The following ADAM2 variants were observed in gnomAD, a reference collection of about 807,000 sequenced individuals.
The protein encoded by ADAM2 is ADAM metallopeptidase domain 2, also known as disintegrin and metalloproteinase domain-containing protein 2.
In ADAM2, 101 loss-of-function variants were observed where a neutral mutation model predicts 99.3. The observed-to-expected ratio is 1.02, with a 90% CI of 0.87 to 1.20. The LOEUF (loss-of-function observed/expected upper bound fraction) is 1.20. Ranked by LOEUF, ADAM2 falls within the 50% of genes most tolerant of loss-of-function variation. ADAM2 has a pLI of 0.00. For missense variants in ADAM2, 948 were observed against 878.7 expected (o/e 1.08, Z -1.00); for synonymous variants, 323 against 287.6 (o/e 1.12, Z -1.25).
At position 39,809,449 on chromosome 8, in the gene ADAM2, T is replaced by C. The variant is rs752315056; in HGVS notation, c.531A>G (p.Ala177=). ...LQSVEPQQDF[A]KYIEMHVIVE... is the part of the protein sequence containing the mutation. ...CTATAACATGCATTTCTATATACTT[T>C]GCAAAATCTTGCTGTGGCTGAAAAA... Residue 177 remains alanine (A), a synonymous_variant, in exon 7 of 21, where the codon GCA becomes GCG. Transcript: ENST00000265708. 1 of 1,433,766 alleles carries C rather than the reference T, an allele frequency of 7.0e-7. No homozygotes were observed. The highest frequency in any genetic ancestry group is 1.2e-5 in the South Asian group (1 of 81,418). 88.8% of individuals were successfully genotyped at this position (1,433,766 alleles called of 1,614,324 possible). A position where few individuals can be genotyped will look rare whatever the true frequency, so the allele number is the denominator to read the frequency against.
intron 7 of ADAM2, among the ~76,000 whole-genome samples, chr8:39,798,290 A>G (rs1471754808): frequency 6.6e-6 from 1 of 152,168 alleles, no homozygotes; most frequent in Admixed American, 6.5e-5. Context: ...GCATCTAGTG[A>G]GATAATCATA....
intron 3 of ADAM2, among the ~76,000 whole-genome samples, chr8:39,827,879 C>T (rs1005371599): frequency 1.3e-5 from 2 of 151,828 alleles, no homozygotes; most frequent in African/African-American, 4.8e-5. Context: ...TATTCTCAAC[C>T]TCAAAAAAGG....
intron 20 of ADAM2, among the ~76,000 whole-genome samples, chr8:39,744,603 G>A (rs1446521399): frequency 6.6e-6 from 1 of 152,146 alleles, no homozygotes; most frequent in African/African-American, 2.4e-5. Context: ...ATGGACACAG[G>A]GAGGGGAACA....
At chr8:39,765,730 G>T (rs981068177) in intron 14 of ADAM2, among the ~76,000 whole-genome samples, 1 of 151,968 alleles carries the variant, frequency 6.6e-6, no homozygotes, top group Non-Finnish European at 1.5e-5. Context: ...TTTTCATTTT[G>T]TAAGTTTCTT....
At chr8:39,837,651 C>T (rs1165449399) in intron 1 of ADAM2, among the ~76,000 whole-genome samples, 1 of 152,102 alleles carries the variant, frequency 6.6e-6, no homozygotes. Context: ...TCCCAAAGTG[C>T]TGGGATTACA....
chr8:39,833,745 CAAG>C (rs900377044), intron 3 of ADAM2, among the ~76,000 whole-genome samples, 196 bp downstream of exon 3: 7 of 151,900 alleles, frequency 4.6e-5, no homozygotes, highest in Non-Finnish European at 1.0e-4. Context: ...CTACTGGGAA[CAAG>C]AAGGAGGGGC....
At chr8:39,779,542 T>C (rs1803135694) in intron 10 of ADAM2, among the ~76,000 whole-genome samples, 1 of 152,158 alleles carries the variant, frequency 6.6e-6, no homozygotes, top group Admixed American at 6.6e-5. Context: ...TTCCTACAGG[T>C]TCTTGTTATT....
At chr8:39,754,410 T>C (rs1446885731) in intron 16 of ADAM2, among the ~76,000 whole-genome samples, 1 of 152,192 alleles carries the variant, frequency 6.6e-6, no homozygotes, top group African/African-American at 2.4e-5. Flanking sequence ...CTACCAACGA[T>C]TTAAGCCACT....
intron 8 of ADAM2, 143 bp from the exon 9 acceptor site, chr8:39,788,394 T>G: frequency 1.8e-6 from 1 of 569,272 alleles, no homozygotes. Flanking sequence ...GATTAGTAAG[T>G]TTAAAATGTT....
At chr8:39,787,687 T>C (rs1022491836) in intron 9 of ADAM2, among the ~76,000 whole-genome samples, 3 of 151,608 alleles carry the variant, frequency 2.0e-5, no homozygotes, top group Admixed American at 6.6e-5. Context: ...ATTAGAGATA[T>C]TAAAACATAG....
At chr8:39,827,562 G>T (rs1479991987) in intron 3 of ADAM2, among the ~76,000 whole-genome samples, 2 of 152,044 alleles carry the variant, frequency 1.3e-5, no homozygotes, top group African/African-American at 2.4e-5. Context: ...AAAAACAAAA[G>T]AAATTCTTTC....
intron 7 of ADAM2, among the ~76,000 whole-genome samples, chr8:39,807,729 A>G (rs1265412431): frequency 1.3e-5 from 2 of 152,140 alleles, no homozygotes; most frequent in African/African-American, 4.8e-5. Context: ...CAGAATAAAT[A>G]TACTACACTA....
chr8:39,770,190 G>A (rs781211827), intron 11 of ADAM2, among the ~76,000 whole-genome samples: 1 of 151,836 alleles, frequency 6.6e-6, no homozygotes, highest in Non-Finnish European at 1.5e-5. Flanking sequence ...CTCGTGATTC[G>A]CCCACCTAGG....
chr8:39,791,888 C>CATG (rs2129585643), intron 7 of ADAM2, among the ~76,000 whole-genome samples: 1 of 152,104 alleles, frequency 6.6e-6, no homozygotes, highest in African/African-American at 2.4e-5. Flanking sequence ...GACTGATGGG[C>CATG]ATGGATCAAA....
intron 6 of ADAM2, among the ~76,000 whole-genome samples, chr8:39,814,227 C>T (rs1804834611): frequency 2.0e-5 from 3 of 152,018 alleles, no homozygotes; most frequent in Admixed American, 1.3e-4. Context: ...GGCATTGTGG[C>T]TCACACCTGT....
chr8:39,761,890 T>C (rs961714622), intron 14 of ADAM2, among the ~76,000 whole-genome samples: 3 of 152,048 alleles, frequency 2.0e-5, no homozygotes, highest in South Asian at 4.1e-4. Flanking sequence ...GACCAGCCTG[T>C]CTAACACAGT....
intron 6 of ADAM2, among the ~76,000 whole-genome samples, chr8:39,820,275 T>A (rs1204906421): frequency 1.3e-5 from 2 of 152,190 alleles, no homozygotes; most frequent in African/African-American, 2.4e-5. Context: ...AGCTTCTTTG[T>A]GTGTCTTGAA....
At chr8:39,797,135 C>A (rs1413297661) in intron 7 of ADAM2, among the ~76,000 whole-genome samples, 2 of 152,124 alleles carry the variant, frequency 1.3e-5, no homozygotes, top group Non-Finnish European at 2.9e-5. Flanking sequence ...TGCCTATTTC[C>A]TGAATGGTAT....
chr8:39,769,460 T>A lies in ADAM2; in HGVS notation c.1144A>T (p.Lys382Ter), dbSNP rs1348597391. ...GCATTACCACACACTGCTTGCTGTT[T>A]GAAAAAAGGATCTAAGCGAGGCTGA... ...HNQPRLDPFFKQQAVCGNAKL... is the reference protein window; with the variant it reads ...HNQPRLDPFF Residue 382 changes from lysine to a stop codon, truncating the protein, a stop_gained, in exon 12 of 21, where the codon AAA becomes TAA. Transcript: ENST00000265708. LOFTEE classifies it high-confidence loss of function. 1 of 1,614,020 alleles carries A rather than the reference T, an allele frequency of 6.2e-7. No individual in the cohort carries two copies. Among genetic ancestry groups the A allele is most frequent in the Non-Finnish European group, 8.5e-7 (1 of 1,179,904 alleles).
Sources: gnomAD v4.1 joint callset for allele counts (sites outside exome capture counted in the v4.1 genomes callset) on GRCh38, gnomAD v4.1.1 for gene constraint, MANE v1.5 for transcripts, NCBI Gene and HGNC (gene_info 2026-07-23, HGNC 2026-07-21) for gene names.